The following PARD6G variants were observed in gnomAD, a reference collection of about 807,000 sequenced individuals.
PARD6G encodes partitioning defective 6 homolog gamma.
Under a neutral mutation model 10.7 loss-of-function variants are expected in PARD6G, and 7 were observed. The ratio of observed to expected loss-of-function variants is 0.66; its 90% CI spans 0.37 to 1.23. PARD6G has a LOEUF of 1.23. Among genes scored for constraint, PARD6G ranks in the 50% most tolerant of loss-of-function variants. The probability of loss-of-function intolerance (pLI) is 0.02; values close to 1 mark genes in which losing one functional copy is unlikely to be tolerated. For missense variants in PARD6G, 548 were observed against 571.8 expected, an observed-to-expected ratio of 0.96 and a Z score of 0.42; for synonymous variants, 287 against 269.4, an observed-to-expected ratio of 1.07 and a Z score of -0.64.
chr18:80,211,056 G>A lies in PARD6G; in HGVS notation c.73-8124C>T, dbSNP rs867751683. 3.3e-5 allele frequency among the ~76,000 whole-genome samples: 5 copies of A among 152,188 alleles called. 1 individual carries two copies. In the Middle Eastern group the frequency reaches 0.01, roughly 311 times the overall value. Reference sequence around the variant, plus strand: ...CTTAGTAAAAGGTCCTTTGTGAAAGGGACCCAGTAGCATTTTTTTCTTTTT... The same window carrying A: ...CTTAGTAAAAGGTCCTTTGTGAAAGAGACCCAGTAGCATTTTTTTCTTTTT... On this transcript the variant is annotated intron_variant, in intron 1 of 2. Transcript: ENST00000353265.
In PARD6G at chr18:80,200,849, C is replaced by T. The variant is rs1967001045; in HGVS notation, c.295+1861G>A. On this transcript the variant is annotated intron_variant, in intron 2 of 2. Coordinates refer to ENST00000353265, the MANE Select transcript of PARD6G (RefSeq NM_032510.4). This position sits in a 1 kb window ranked among gnomAD's most constrained non-coding sequence, Gnocchi z 4.4. ...TCCCAGCCCAGCTTTGATGCATCCC[C>T]AGTAGAGGGTGCCAAGACGCCTGGG... 6.6e-6 allele frequency among the ~76,000 whole-genome samples: 1 copy of T among 152,210 alleles called. No homozygotes were observed. Among genetic ancestry groups the T allele is most frequent in the Non-Finnish European group, 1.5e-5 (1 of 68,050 alleles).
At chr18:80,198,427 T>C (rs1966977853) in intron 2 of PARD6G, among the ~76,000 whole-genome samples, 2 of 152,240 alleles carry the variant, frequency 1.3e-5, no homozygotes, top group South Asian at 4.1e-4. Flanking sequence ...TAACAATATG[T>C]ACCGTTGTTT....
Position 80,177,097 on chromosome 18 carries a change from C to T in PARD6G, c.296-16491G>A, listed in dbSNP as rs114322995. On this transcript the variant is annotated intron_variant, in intron 2 of 2. Transcript: ENST00000353265. ...TGGAAAGCGCGCACACACACACACA[C>T]GGGATAAATCACAGCCCAAATGGGA... 7.8e-3 allele frequency among the ~76,000 whole-genome samples: 1,168 copies of T among 149,280 alleles called. 11 individuals are homozygous for T. Among genetic ancestry groups the T allele is most frequent in the African/African-American group, 0.027 (1,080 of 40,256 alleles).
intron 2 of PARD6G, chr18:80,171,826 A>T (rs891673429): frequency 1.1e-4 from 17 of 152,212 alleles, no homozygotes; most frequent in African/African-American, 4.1e-4. Flanking sequence ...TTGATATACC[A>T]CATTTATTCA....
intron 2 of PARD6G, among the ~76,000 whole-genome samples, chr18:80,193,789 C>T (rs981599566): frequency 1.4e-4 from 21 of 152,118 alleles, no homozygotes; most frequent in East Asian, 5.8e-4. Flanking sequence ...GGCAGGAAGG[C>T]GGGAATGCCC....
intron 1 of PARD6G, among the ~76,000 whole-genome samples, chr18:80,217,080 C>G (rs1259038809): frequency 1.3e-5 from 2 of 151,878 alleles, no homozygotes; most frequent in Admixed American, 1.3e-4. Context: ...TTTATAATAC[C>G]AGAAAGTAAA....
At position 80,228,460 on chromosome 18, in the gene PARD6G, A is replaced by G. The variant is rs78046289; in HGVS notation, c.72+18817T>C. Among the ~76,000 whole-genome samples the G allele has an allele frequency of 0.025, 3,864 of 152,154 alleles. 156 individuals carry two copies. The highest frequency in any genetic ancestry group is 0.088 in the African/African-American group (3,668 of 41,472). On this transcript the variant is annotated intron_variant, in intron 1 of 2. Transcript: ENST00000353265. This position sits in a 1 kb window ranked among gnomAD's most constrained non-coding sequence, Gnocchi z 4.6. ...GGCACCAAGTGCCCCTACAGCTCACATTGTCTGCAAGGGGTCCCCACCCCC... is the reference window on the plus strand; with the variant it reads ...GGCACCAAGTGCCCCTACAGCTCACGTTGTCTGCAAGGGGTCCCCACCCCC...
chr18:80,198,193 G>A (rs180855898), intron 2 of PARD6G, among the ~76,000 whole-genome samples: 170 of 152,292 alleles, frequency 1.1e-3, no homozygotes, highest in African/African-American at 3.7e-3. Context: ...CTGGCCTGTC[G>A]TCTGAGCCTC....
chr18:80,240,840 A>C (rs1366935464), intron 1 of PARD6G, among the ~76,000 whole-genome samples: 1 of 152,162 alleles, frequency 6.6e-6, no homozygotes, highest in East Asian at 1.9e-4. Flanking sequence ...GACAAAGGAC[A>C]TTCCACCTCA....
At chr18:80,207,761 T>C (rs527384557) in intron 1 of PARD6G, among the ~76,000 whole-genome samples, 17 of 152,284 alleles carry the variant, frequency 1.1e-4, no homozygotes, top group African/African-American at 2.6e-4. Flanking sequence ...TTTTAACAAA[T>C]AGAGCCCCAG....
intron 1 of PARD6G, among the ~76,000 whole-genome samples, chr18:80,218,034 A>G (rs540765202): frequency 6.6e-6 from 1 of 152,300 alleles, no homozygotes; most frequent in African/African-American, 2.4e-5. Context: ...ACCTCCCACC[A>G]GATCCCTCTC....
rs1293078746 is a variant in PARD6G at position 80,246,522 on chromosome 18, G to T, written c.72+755C>A. Among the ~76,000 whole-genome samples, 1 of 150,282 alleles carries T rather than the reference G, an allele frequency of 6.7e-6. No individual in the cohort carries two copies. The highest frequency in any genetic ancestry group is 2.5e-5 in the African/African-American group (1 of 40,812). On this transcript the variant is annotated intron_variant, in intron 1 of 2. Coordinates refer to ENST00000353265, the MANE Select transcript of PARD6G (RefSeq NM_032510.4). The surrounding 1 kb of genome is among the most constrained non-coding windows in gnomAD (Gnocchi z 6.7). ...GGGTACGGGTCTGATCCGGGGGCGC[G>T]CTCGGGAGGGGTCTGGGTCTGAGCC...
rs556249033 is a variant in PARD6G at position 80,193,751 on chromosome 18, C to T, written c.295+8959G>A. Among the ~76,000 whole-genome samples, 14 of 152,318 alleles carry T rather than the reference C, an allele frequency of 9.2e-5. No individual in the cohort carries two copies. In the South Asian group the frequency reaches 2.9e-3, roughly 32 times the overall value. The stretch of plus-strand genomic sequence containing the variant: ...ACCCAGCATGTGGCTCCGAGTGGAA[C>T]TGCTGAGGAGTGCTGGCAGGAAGTA... On this transcript the variant is annotated intron_variant, in intron 2 of 2. Transcript: ENST00000353265.
chr18:80,211,369 C>T (rs370945229), intron 1 of PARD6G, among the ~76,000 whole-genome samples: 44 of 152,252 alleles, frequency 2.9e-4, no homozygotes, highest in African/African-American at 9.9e-4. Context: ...AATGCTGGGA[C>T]GCATACCCAT....
At position 80,160,019 on chromosome 18, in the gene PARD6G, T is replaced by C. The variant is rs1163679592; in HGVS notation, c.883A>G (p.Ser295Gly). ...ATGACGACGTCGTTGTCCTCATCGC[T>C]CTCCGCCTCGTCGGGGTGGAAGTTC... Reference protein sequence around the residue: ...LQNFHPDEAESDEDNDVVIEG... With the variant: ...LQNFHPDEAEGDEDNDVVIEG... Residue 295 changes from serine (S) to glycine (G), a missense_variant, in exon 3 of 3, where the codon AGC becomes GGC. This residue lies in a region of PARD6G where 313 missense variants were observed against 279.9 expected (regional missense o/e 1.12). Transcript: ENST00000353265. 2.0e-6 allele frequency: 3 copies of C among 1,533,312 alleles called. No individual in the cohort carries two copies. In the East Asian group the frequency reaches 6.9e-5, roughly 35 times the overall value. 95.0% of individuals were successfully genotyped at this position (1,533,312 alleles called of 1,614,324 possible).
rs1228760137 is a variant in PARD6G, at chr18:80,228,467, G to C, written c.72+18810C>G. On this transcript the variant is annotated intron_variant, in intron 1 of 2. Transcript: ENST00000353265. The surrounding 1 kb of genome is among the most constrained non-coding windows in gnomAD (Gnocchi z 4.6). ...AGTGCCCCTACAGCTCACATTGTCT[G>C]CAAGGGGTCCCCACCCCCACAAGGC... Among the ~76,000 whole-genome samples the C allele has an allele frequency of 1.3e-5, 2 of 152,150 alleles. No homozygotes were observed. Among genetic ancestry groups the C allele is most frequent in the Admixed American group, 6.5e-5 (1 of 15,276 alleles).
intron 2 of PARD6G, among the ~76,000 whole-genome samples, chr18:80,196,282 G>A (rs373855623): frequency 1.3e-5 from 2 of 152,270 alleles, no homozygotes; most frequent in East Asian, 1.9e-4. Context: ...AACTAACCAC[G>A]TCTACAGTGA....
chr18:80,212,204 C>A (rs1967116081), intron 1 of PARD6G, among the ~76,000 whole-genome samples: 1 of 152,126 alleles, frequency 6.6e-6, no homozygotes. Context: ...TTGTCCAAGT[C>A]CTTGTGGGTG....
At chr18:80,238,329 TG>T (rs1175486706) in intron 1 of PARD6G, among the ~76,000 whole-genome samples, 1 of 151,842 alleles carries the variant, frequency 6.6e-6, no homozygotes, top group Admixed American at 6.6e-5. Flanking sequence ...CATCACATAC[TG>T]GGGCCTGTTG....
Sources: allele counts gnomAD v4.1 joint callset (sites outside exome capture counted in the v4.1 genomes callset), GRCh38; gene constraint gnomAD v4.1.1; regional missense constraint gnomAD v4.1.1; non-coding constraint Gnocchi (gnomAD v3.1); transcripts MANE v1.5; gene names NCBI Gene and HGNC (gene_info 2026-07-23, HGNC 2026-07-21).